The following EBF1 variants were observed in gnomAD, a reference collection of about 807,000 sequenced individuals.
EBF1 encodes the protein transcription factor COE1.
In EBF1, 10 loss-of-function variants were observed where a neutral mutation model predicts 68.4. The ratio of observed to expected loss-of-function variants is 0.15; its 90% CI spans 0.09 to 0.25. The LOEUF (loss-of-function observed/expected upper bound fraction) is 0.25, where lower values mean the gene tolerates loss of function less well. Ranked by LOEUF, EBF1 falls within the 10% of genes least tolerant of loss-of-function variation. The probability of loss-of-function intolerance (pLI) is 1.00; values close to 1 mark genes in which losing one functional copy is unlikely to be tolerated. For synonymous variants in EBF1, 298 were observed against 299.8 expected, an observed-to-expected ratio of 0.99 and a Z score of 0.06; for missense variants, 509 against 794.4, an observed-to-expected ratio of 0.64 and a Z score of 4.32.
At chr5:158,767,619 CA>C (rs1369994281) in intron 10 of EBF1, among the ~76,000 whole-genome samples, 2 of 125,238 alleles carry the variant, frequency 1.6e-5, no homozygotes, top group Middle Eastern at 3.8e-3. Context: ...GGGGTGGCAC[CA>C]GGGGGTGGGG....
chr5:158,872,509 G>A (rs1485314412), intron 6 of EBF1, among the ~76,000 whole-genome samples: 2 of 152,048 alleles, frequency 1.3e-5, no homozygotes, highest in Non-Finnish European at 2.9e-5. Flanking sequence ...CCTGTTTTTG[G>A]TCTTTTCTGA....
intron 8 of EBF1, among the ~76,000 whole-genome samples, chr5:158,800,442 T>G (rs1371631963): frequency 6.6e-6 from 1 of 152,190 alleles, no homozygotes; most frequent in Non-Finnish European, 1.5e-5. Flanking sequence ...ATTTATTCCC[T>G]ATATATTTGT....
intron 11 of EBF1, among the ~76,000 whole-genome samples, chr5:158,730,250 C>G (rs1275979365): frequency 6.6e-6 from 1 of 152,120 alleles, no homozygotes; most frequent in African/African-American, 2.4e-5. Context: ...ATTTAACTGC[C>G]CTCTCCTCTG....
chr5:159,000,756 A>G (rs1762368710), intron 6 of EBF1, among the ~76,000 whole-genome samples: 1 of 152,210 alleles, frequency 6.6e-6, no homozygotes, highest in Non-Finnish European at 1.5e-5. Flanking sequence ...ACATAACTCA[A>G]TGAACATAAC....
At position 158,697,756 on chromosome 5, in the gene EBF1, C is replaced by CA. The variant is rs143069078; in HGVS notation, c.*1354dup. 24,969 of 196,436 alleles carry CA rather than the reference C, an allele frequency of 0.13. 1,490 individuals are homozygous for CA. Among genetic ancestry groups the CA allele is most frequent in the Admixed American group, 0.16 (2,607 of 16,330 alleles). The allele number at this position is 196,436 out of a possible 1,614,324, so 12.2% of individuals were successfully genotyped here. A position where few individuals can be genotyped will look rare whatever the true frequency, so the allele number is the denominator to read the frequency against. The stretch of plus-strand genomic sequence containing the variant: ...GAACAACAACTTTGGCAAAAAATCA[C>CA]AAAAAAAAAATCTACAGTATTTATA... On this transcript the variant is annotated 3_prime_UTR_variant, in exon 16 of 16. Transcript: ENST00000313708.
chr5:158,961,701 C>T (rs1818213779), intron 6 of EBF1, among the ~76,000 whole-genome samples: 1 of 152,242 alleles, frequency 6.6e-6, no homozygotes, highest in South Asian at 2.1e-4. Flanking sequence ...GTAAGTTACT[C>T]TTTTAATTTA....
chr5:158,820,506 T>C (rs535467272), intron 8 of EBF1, among the ~76,000 whole-genome samples: 1 of 152,286 alleles, frequency 6.6e-6, no homozygotes, highest in African/African-American at 2.4e-5. Flanking sequence ...TGGTTTTGTG[T>C]GGTTGGTTGA....
chr5:158,875,690 C>T (rs190194432), intron 6 of EBF1, among the ~76,000 whole-genome samples: 25 of 152,278 alleles, frequency 1.6e-4, no homozygotes, highest in East Asian at 3.9e-4. Context: ...TATGAATTCA[C>T]GTCTTGATTT....
rs1355235204 is a variant in EBF1 at position 158,749,400 on chromosome 5, G to C, written c.1037-18243C>G. Among the ~76,000 whole-genome samples the C allele has an allele frequency of 4.6e-5, 7 of 152,068 alleles. No homozygotes were observed. In the East Asian group the frequency reaches 1.3e-3, roughly 29 times the overall value. On this transcript the variant is annotated intron_variant, in intron 10 of 15. Transcript: ENST00000313708. ...TTGGAAATAAACTCAGAATCTAATA[G>C]TCTTCCCCTTGGCCAAGATTCTAAA... is the stretch of plus-strand genomic sequence containing the variant.
chr5:158,901,617 A>C (rs1190956861), intron 6 of EBF1, among the ~76,000 whole-genome samples: 1 of 152,266 alleles, frequency 6.6e-6, no homozygotes, highest in Non-Finnish European at 1.5e-5. Context: ...AATAATAATT[A>C]TAGCTAACAT....
chr5:159,011,145 G>A (rs1764581645), intron 6 of EBF1, among the ~76,000 whole-genome samples: 1 of 152,176 alleles, frequency 6.6e-6, no homozygotes, highest in South Asian at 2.1e-4. Flanking sequence ...CACATCTCAA[G>A]CACAACGCTT....
At chr5:159,015,737 C>G (rs1364414620) in intron 6 of EBF1, among the ~76,000 whole-genome samples, 1 of 152,196 alleles carries the variant, frequency 6.6e-6, no homozygotes, top group Admixed American at 6.5e-5. Context: ...AGTGGCTATA[C>G]GGTCCGCATC....
chr5:158,926,788 T>C (rs1378844848), intron 6 of EBF1, among the ~76,000 whole-genome samples: 1 of 151,978 alleles, frequency 6.6e-6, no homozygotes, highest in Non-Finnish European at 1.5e-5. Flanking sequence ...ATTTAAATTA[T>C]TGGTCCACAG....
At chr5:159,066,143 C>G (rs563327008) in intron 6 of EBF1, among the ~76,000 whole-genome samples, 44 of 151,926 alleles carry the variant, frequency 2.9e-4, no homozygotes, top group African/African-American at 8.9e-4. Flanking sequence ...AATCAAAAGG[C>G]CCACCGAGTG....
At chr5:159,001,421 A>G (rs1762523608) in intron 6 of EBF1, among the ~76,000 whole-genome samples, 1 of 152,184 alleles carries the variant, frequency 6.6e-6, no homozygotes, top group African/African-American at 2.4e-5. Context: ...CATTGAAGAG[A>G]CTGGAATCTG....
chr5:158,871,043 G>GA (rs1234857644), intron 6 of EBF1, among the ~76,000 whole-genome samples: 13 of 152,194 alleles, frequency 8.5e-5, no homozygotes, highest in South Asian at 2.1e-4. Context: ...ACGACAGAAG[G>GA]AAAAAAATAC....
At chr5:158,719,878 T>C (rs1761564471) in intron 11 of EBF1, among the ~76,000 whole-genome samples, 1 of 152,058 alleles carries the variant, frequency 6.6e-6, no homozygotes, top group African/African-American at 2.4e-5. Context: ...GCTTTATGCT[T>C]ACCCAAATAG....
chr5:158,969,862 AAG>A (rs1441047963), intron 6 of EBF1, among the ~76,000 whole-genome samples: 6 of 78,152 alleles, frequency 7.7e-5, no homozygotes, highest in Non-Finnish European at 1.8e-4. Context: ...GAAAGAAAGA[AAG>A]AAAGAAAGAA....
intron 8 of EBF1, among the ~76,000 whole-genome samples, chr5:158,801,919 C>G (rs1780664895): frequency 6.6e-6 from 1 of 152,126 alleles, no homozygotes; most frequent in African/African-American, 2.4e-5. Context: ...CTGGGAGCAT[C>G]AGTCTCTTTA....
Sources: gnomAD v4.1 joint callset for allele counts (sites outside exome capture counted in the v4.1 genomes callset) on GRCh38, gnomAD v4.1.1 for gene constraint, MANE v1.5 for transcripts, NCBI Gene and HGNC (gene_info 2026-07-23, HGNC 2026-07-21) for gene names.